Variants in NXPH1 observed in about 807,000 individuals in gnomAD.
NXPH1 encodes the protein neurexophilin-1.
NXPH1 carries 5 observed loss-of-function variants against 23.7 expected under a neutral mutation model. The observed-to-expected ratio is 0.21, with a 90% CI of 0.11 to 0.44. The LOEUF (loss-of-function observed/expected upper bound fraction) is 0.44. NXPH1 is among the 20% of genes least tolerant of loss of function. The pLI is 0.99. For synonymous variants in NXPH1, 144 were observed against 122.2 expected (o/e 1.18, Z -1.18); for missense variants, 324 against 321.6 (o/e 1.01, Z -0.06).
Position 8,554,557 on chromosome 7 carries a change from T to C in NXPH1, c.54+118790T>C, listed in dbSNP as rs980806757. Among the ~76,000 whole-genome samples the C allele has an allele frequency of 5.3e-5, 8 of 151,756 alleles. 1 individual carries two copies. In the South Asian group the frequency reaches 8.3e-4, roughly 16 times the overall value. ...AGGCTCTTAGTACATTAATATGTGT[T>C]ATCTATGTTCCACATACTTCCACAT... On this transcript the variant is annotated intron_variant, in intron 2 of 2. Coordinates refer to ENST00000405863, the MANE Select transcript of NXPH1 (RefSeq NM_152745.3).
At chr7:8,688,468 T>A (rs1821180572) in intron 2 of NXPH1, among the ~76,000 whole-genome samples, 2 of 152,204 alleles carry the variant, frequency 1.3e-5, no homozygotes, top group African/African-American at 2.4e-5. Flanking sequence ...TTATTTTGCA[T>A]ATCTTCCTTG....
intron 2 of NXPH1, among the ~76,000 whole-genome samples, chr7:8,614,530 T>A (rs1186045078): frequency 1.3e-5 from 2 of 151,898 alleles, no homozygotes; most frequent in African/African-American, 2.4e-5. Flanking sequence ...CGTTTAGAAA[T>A]AGACATACAT....
At chr7:8,464,131 C>T (rs1003842169) in intron 2 of NXPH1, among the ~76,000 whole-genome samples, 3 of 152,066 alleles carry the variant, frequency 2.0e-5, no homozygotes, top group Non-Finnish European at 4.4e-5. Context: ...TCTTCCTTCT[C>T]CCCCATATCT....
intron 2 of NXPH1, among the ~76,000 whole-genome samples, chr7:8,462,301 C>T (rs1056524564): frequency 3.9e-5 from 6 of 152,182 alleles, no homozygotes; most frequent in Non-Finnish European, 8.8e-5. Context: ...CCCACCTTAG[C>T]CTCCCAAAGT....
intron 2 of NXPH1, among the ~76,000 whole-genome samples, chr7:8,530,898 T>C (rs960198562): frequency 1.3e-5 from 2 of 152,230 alleles, no homozygotes; most frequent in African/African-American, 2.4e-5. Context: ...GGTTAAATTA[T>C]ACATGTTTTT....
chr7:8,664,219 T>A (rs1167097028), intron 2 of NXPH1, among the ~76,000 whole-genome samples: 2 of 152,134 alleles, frequency 1.3e-5, no homozygotes, highest in Non-Finnish European at 2.9e-5. Context: ...TCTTTCATTT[T>A]TAATTCTCTT....
chr7:8,745,814 G>A (rs1048111502), intron 2 of NXPH1, among the ~76,000 whole-genome samples: 3 of 142,158 alleles, frequency 2.1e-5, no homozygotes, highest in Non-Finnish European at 4.5e-5. Context: ...TTATCCTCCT[G>A]CCTTGGCCTC....
At chr7:8,567,036 A>G (rs936086588) in intron 2 of NXPH1, among the ~76,000 whole-genome samples, 3 of 151,894 alleles carry the variant, frequency 2.0e-5, no homozygotes, top group Admixed American at 6.6e-5. Flanking sequence ...CGTCTGCTTT[A>G]TCTCTCACAC....
intron 2 of NXPH1, among the ~76,000 whole-genome samples, chr7:8,657,076 TATAGG>T (rs962280707): frequency 3.3e-5 from 5 of 152,234 alleles, no homozygotes; most frequent in African/African-American, 1.2e-4. Context: ...TCCTAACTGT[TATAGG>T]ATATACAGTT....
intron 2 of NXPH1, among the ~76,000 whole-genome samples, chr7:8,619,798 G>A (rs2115121837): frequency 6.6e-6 from 1 of 152,224 alleles, no homozygotes; most frequent in Middle Eastern, 3.4e-3. Context: ...TATTTCATAT[G>A]ATGTTTTCAG....
intron 2 of NXPH1, among the ~76,000 whole-genome samples, chr7:8,734,701 C>T (rs1780218565): frequency 6.6e-6 from 1 of 152,072 alleles, no homozygotes; most frequent in African/African-American, 2.4e-5. Flanking sequence ...GTAAATGCCT[C>T]TTAGGTCCTC....
chr7:8,645,294 A>G (rs966197494), intron 2 of NXPH1, among the ~76,000 whole-genome samples: 1 of 152,138 alleles, frequency 6.6e-6, no homozygotes, highest in Non-Finnish European at 1.5e-5. Context: ...GTTCTATGTC[A>G]AAGTTTTCAA....
intron 2 of NXPH1, among the ~76,000 whole-genome samples, chr7:8,493,837 C>G (rs554051052): frequency 1.3e-5 from 2 of 151,948 alleles, no homozygotes; most frequent in Non-Finnish European, 2.9e-5. Context: ...TTAGCTCTTT[C>G]TCTCTCGGTC....
At chr7:8,585,840 C>T (rs1487326046) in intron 2 of NXPH1, among the ~76,000 whole-genome samples, 1 of 152,158 alleles carries the variant, frequency 6.6e-6, no homozygotes, top group Admixed American at 6.5e-5. Context: ...CAATTTGTGA[C>T]AGTGCCACAT....
At chr7:8,629,617 T>C (rs1473820085) in intron 2 of NXPH1, among the ~76,000 whole-genome samples, 1 of 152,146 alleles carries the variant, frequency 6.6e-6, no homozygotes, top group Non-Finnish European at 1.5e-5. Flanking sequence ...CTCTTTATAT[T>C]GGTAGGAAAT....
chr7:8,693,647 C>T (rs1279162929), intron 2 of NXPH1, among the ~76,000 whole-genome samples: 2 of 152,248 alleles, frequency 1.3e-5, no homozygotes, highest in Non-Finnish European at 1.5e-5. Flanking sequence ...AATCTCAGAC[C>T]AGAAAAGGCA....
At chr7:8,562,547 C>T (rs989960771) in intron 2 of NXPH1, among the ~76,000 whole-genome samples, 14 of 151,004 alleles carry the variant, frequency 9.3e-5, no homozygotes, top group Admixed American at 4.0e-4. Context: ...TTCTTTAAAC[C>T]GTAACTTTCT....
chr7:8,627,578 A>AAGCATTTTATT (rs1820021148), intron 2 of NXPH1, among the ~76,000 whole-genome samples: 1 of 152,134 alleles, frequency 6.6e-6, no homozygotes, highest in Admixed American at 6.6e-5. Flanking sequence ...GAGGTTACTG[A>AAGCATTTTATT]AGCATTTTAT....
chr7:8,452,187 G>A (rs939413946), intron 2 of NXPH1, among the ~76,000 whole-genome samples: 8 of 152,140 alleles, frequency 5.3e-5, no homozygotes, highest in African/African-American at 9.7e-5. Context: ...ACCAGAATAC[G>A]TTTTTGATAT....
Sources: allele counts gnomAD v4.1 joint callset (sites outside exome capture counted in the v4.1 genomes callset), GRCh38; gene constraint gnomAD v4.1.1; transcripts MANE v1.5; gene names NCBI Gene and HGNC (gene_info 2026-07-23, HGNC 2026-07-21).